WDHD1: variants seen among roughly 807,000 people sequenced by gnomAD.
WDHD1 encodes the protein WD repeat and HMG-box DNA-binding protein 1.
WDHD1 carries 111 observed loss-of-function variants against 135.4 expected under a neutral mutation model. The ratio of observed to expected loss-of-function variants is 0.82; its 90% CI spans 0.70 to 0.96. WDHD1 has a LOEUF of 0.96. WDHD1 is among the 40% of genes least tolerant of loss of function. The probability of loss-of-function intolerance (pLI) is 0.00; values close to 1 mark genes in which losing one functional copy is unlikely to be tolerated. For synonymous variants in WDHD1, 434 were observed against 439.0 expected (o/e 0.99, Z 0.14); for missense variants, 1,351 against 1,336.3 (o/e 1.01, Z -0.17).
At chr14:55,014,801 G>T (rs2042233128) in intron 2 of WDHD1, among the ~76,000 whole-genome samples, 1 of 152,046 alleles carries the variant, frequency 6.6e-6, no homozygotes, top group East Asian at 1.9e-4. Flanking sequence ...TCTCACCTGA[G>T]AAAGTCAAAA....
chr14:54,942,354 C>T (rs1414980255), intron 25 of WDHD1, among the ~76,000 whole-genome samples: 4 of 152,054 alleles, frequency 2.6e-5, no homozygotes, highest in Admixed American at 2.0e-4. Flanking sequence ...CAGAAAGATC[C>T]TGTGTAGCCT....
In WDHD1 at chr14:54,981,554, A is replaced by T; in HGVS notation, c.2049T>A (p.Asn683Lys). The change falls in exon 16 of 26, where the codon AAT (asparagine) becomes AAA (lysine). Residue 683 changes from asparagine to lysine, a missense_variant. By Grantham distance (94) the Asn-to-Lys change is moderately conservative. Around this residue, in one of 2 missense-constraint regions of WDHD1, gnomAD observed 1,330 missense variants for 1,296.1 expected, o/e 1.03. Transcript: ENST00000360586. Reference protein sequence around the residue: ...DHYWVVGIHENPQQLRCIPCK... With the variant: ...DHYWVVGIHEKPQQLRCIPCK... ...TAATAGCCCACCTTAGTTGCTGGGG[A>T]TTTTCATGGATACCAACCACCCAGT... 2 of 1,610,758 alleles carry T rather than the reference A, an allele frequency of 1.2e-6. No homozygotes were observed. The highest frequency in any genetic ancestry group is 1.1e-5 in the South Asian group (1 of 90,034).
At chr14:54,955,895 C>CGTTTTTTTT (rs1281053966) in intron 23 of WDHD1, among the ~76,000 whole-genome samples, 1 of 110,096 alleles carries the variant, frequency 9.1e-6, no homozygotes, top group Non-Finnish European at 1.8e-5. Flanking sequence ...CCATGTTTTC[C>CGTTTTTTTT]TTTTTTTTTT....
chr14:54,966,350 A>AACG, intron 18 of WDHD1, 125 bp downstream of exon 18: 1 of 1,256,094 alleles, frequency 8.0e-7, no homozygotes, highest in Non-Finnish European at 1.0e-6. Flanking sequence ...AAACAACAAC[A>AACG]ACAACAAAAA....
intron 16 of WDHD1, among the ~76,000 whole-genome samples, chr14:54,970,510 A>G (rs1294753872): frequency 6.6e-6 from 1 of 152,002 alleles, no homozygotes; most frequent in African/African-American, 2.4e-5. Context: ...AATCACAGAT[A>G]ACACAAACAA....
intron 2 of WDHD1, among the ~76,000 whole-genome samples, chr14:55,023,309 C>A (rs997758142): frequency 6.6e-6 from 1 of 152,160 alleles, no homozygotes; most frequent in Admixed American, 6.5e-5. Context: ...ATAAAAGCTG[C>A]GTTTTCAATA....
chr14:54,969,248 G>A (rs1428284400), intron 16 of WDHD1, among the ~76,000 whole-genome samples: 4 of 150,714 alleles, frequency 2.7e-5, no homozygotes, highest in African/African-American at 7.3e-5. Flanking sequence ...CCGTGGTCTC[G>A]ATCTCCTGAC....
chr14:54,949,165 G>C (rs186204995), intron 24 of WDHD1, among the ~76,000 whole-genome samples: 1 of 152,098 alleles, frequency 6.6e-6, no homozygotes, highest in East Asian at 1.9e-4. Context: ...TGACTTTGAC[G>C]AGTTGAGAGA....
rs200097588 is a variant in WDHD1 at position 54,985,929 on chromosome 14, A to G, written c.1769-1069T>C. Among the ~76,000 whole-genome samples the G allele has an allele frequency of 1.1e-3, 174 of 152,360 alleles. 1 individual carries two copies. Among genetic ancestry groups the G allele is most frequent in the Non-Finnish European group, 5.7e-4 (39 of 68,028 alleles). On this transcript the variant is annotated intron_variant, in intron 14 of 25. Transcript: ENST00000360586. ...CCATTTACTAAGATGGGGAAACTAC[A>G]TAAGAAGCAAGCTTGGAAGGAAAAA... is the stretch of plus-strand genomic sequence containing the variant.
At chr14:54,997,522 CTAAG>C (rs2041902549) in intron 10 of WDHD1, among the ~76,000 whole-genome samples, 1 of 152,146 alleles carries the variant, frequency 6.6e-6, no homozygotes, top group South Asian at 2.1e-4. Flanking sequence ...AAATTAATAA[CTAAG>C]TGCTATAAGA....
intron 10 of WDHD1, among the ~76,000 whole-genome samples, chr14:54,997,070 G>A (rs1369740562): frequency 1.4e-5 from 2 of 147,012 alleles, no homozygotes; most frequent in Non-Finnish European, 3.0e-5. Context: ...GATTACAGGC[G>A]TGAGCCACAG....
At chr14:54,982,046 A>T (rs2041627051) in intron 15 of WDHD1, among the ~76,000 whole-genome samples, 1 of 151,492 alleles carries the variant, frequency 6.6e-6, no homozygotes, top group East Asian at 1.9e-4. Flanking sequence ...CTTGCTGTGT[A>T]CCCAGGCTGG....
chr14:55,017,742 A>G (rs1390089748), intron 2 of WDHD1, among the ~76,000 whole-genome samples: 2 of 152,264 alleles, frequency 1.3e-5, no homozygotes, highest in African/African-American at 4.8e-5. Flanking sequence ...GAGCTGCAAG[A>G]TAACACACCA....
chr14:54,970,695 A>C (rs1475659406), intron 16 of WDHD1, among the ~76,000 whole-genome samples: 6 of 152,034 alleles, frequency 3.9e-5, no homozygotes, highest in Non-Finnish European at 8.8e-5. Context: ...ATTCAACACT[A>C]TTCCTATCAA....
chr14:54,950,779 G>A (rs2041036071), intron 24 of WDHD1, among the ~76,000 whole-genome samples: 1 of 152,112 alleles, frequency 6.6e-6, no homozygotes. Context: ...TAAAAGAACA[G>A]AAATTATAAC....
intron 7 of WDHD1, among the ~76,000 whole-genome samples, chr14:55,003,006 T>G (rs2042000529): frequency 6.6e-6 from 1 of 152,206 alleles, no homozygotes. Flanking sequence ...GAAATGTATC[T>G]TCTTATGCAT....
At position 55,010,298 on chromosome 14, in the gene WDHD1, A is replaced by C; in HGVS notation, c.341+11T>G. ...AACATTATTTCCTTTTCTGATGTCAAAGAGCCTTACCTAGATCCAGCAGCA... is the reference window on the plus strand; with the variant it reads ...AACATTATTTCCTTTTCTGATGTCACAGAGCCTTACCTAGATCCAGCAGCA... On this transcript the variant is annotated intron_variant, in intron 4 of 25. Transcript: ENST00000360586. 3.2e-6 allele frequency: 5 copies of C among 1,576,620 alleles called. No homozygotes were observed. Among genetic ancestry groups the C allele is most frequent in the Non-Finnish European group, 2.6e-6 (3 of 1,163,682 alleles).
chr14:54,964,079 G>C (rs377648009), intron 18 of WDHD1, among the ~76,000 whole-genome samples: 1 of 152,258 alleles, frequency 6.6e-6, no homozygotes, highest in South Asian at 2.1e-4. Context: ...CTGTACTCTA[G>C]CCTGGGTAAC....
chr14:54,986,461 C>A (rs981803073), intron 14 of WDHD1, among the ~76,000 whole-genome samples: 2 of 152,124 alleles, frequency 1.3e-5, no homozygotes, highest in African/African-American at 2.4e-5. Flanking sequence ...AGCCACCACA[C>A]CACACCACAC....
Sources: allele counts gnomAD v4.1 joint callset (sites outside exome capture counted in the v4.1 genomes callset), GRCh38; gene constraint gnomAD v4.1.1; regional missense constraint gnomAD v4.1.1; transcripts MANE v1.5; gene names NCBI Gene and HGNC (gene_info 2026-07-23, HGNC 2026-07-21).